SLC37A1: variants seen among roughly 807,000 people sequenced by gnomAD.
The protein encoded by SLC37A1 is glucose-6-phosphate exchanger SLC37A1.
SLC37A1 carries 49 observed loss-of-function variants against 75.3 expected under a neutral mutation model. That is an observed-to-expected ratio of 0.65 (90% CI 0.52 to 0.83). The LOEUF (loss-of-function observed/expected upper bound fraction) is 0.83. Among genes scored for constraint, SLC37A1 ranks in the 40% least tolerant of loss-of-function variants. The pLI is 0.00. For synonymous variants in SLC37A1, 268 were observed against 292.1 expected (o/e 0.92, Z 0.84); for missense variants, 566 against 695.0 (o/e 0.81, Z 2.09).
At chr21:42,505,106 G>A (rs1029434754) in intron 2 of SLC37A1, among the ~76,000 whole-genome samples, 20 of 152,142 alleles carry the variant, frequency 1.3e-4, no homozygotes, top group Non-Finnish European at 2.1e-4. Flanking sequence ...TAATCTATTT[G>A]CCACACTGAC....
chr21:42,549,970 G>T (rs1447142162), intron 9 of SLC37A1, among the ~76,000 whole-genome samples: 1 of 152,126 alleles, frequency 6.6e-6, no homozygotes, highest in African/African-American at 2.4e-5. Flanking sequence ...CTCTATCAAC[G>T]CCCCTTCTAA....
At chr21:42,573,443 C>T (rs1163587602) in intron 17 of SLC37A1, among the ~76,000 whole-genome samples, 1 of 152,146 alleles carries the variant, frequency 6.6e-6, no homozygotes, top group Non-Finnish European at 1.5e-5. Flanking sequence ...ACACTGGAGG[C>T]TGTGTTAGCT....
At chr21:42,525,136 C>T (rs1396852969) in intron 2 of SLC37A1, among the ~76,000 whole-genome samples, 1 of 152,232 alleles carries the variant, frequency 6.6e-6, no homozygotes, top group Non-Finnish European at 1.5e-5. Context: ...CACAGCAGCT[C>T]CGAGCTCCCT....
chr21:42,516,615 C>A (rs1280598425), intron 1 of SLC37A1, among the ~76,000 whole-genome samples: 1 of 152,182 alleles, frequency 6.6e-6, no homozygotes, highest in East Asian at 1.9e-4. Flanking sequence ...TTTTCTTTCA[C>A]CCATTTTACA....
chr21:42,566,362 T>C (rs997107845), intron 15 of SLC37A1, among the ~76,000 whole-genome samples: 5 of 152,234 alleles, frequency 3.3e-5, no homozygotes, highest in African/African-American at 1.2e-4. Context: ...CCCAGCCACC[T>C]CCTCCCAGCT....
chr21:42,560,044 C>T (rs955540252), intron 11 of SLC37A1, among the ~76,000 whole-genome samples: 5 of 152,010 alleles, frequency 3.3e-5, no homozygotes, highest in South Asian at 2.1e-4. Context: ...GGCTGGTCCT[C>T]GGTGGTGCTG....
At chr21:42,531,526 A>G (rs893991399) in intron 3 of SLC37A1, among the ~76,000 whole-genome samples, 3 of 152,224 alleles carry the variant, frequency 2.0e-5, no homozygotes, top group African/African-American at 7.2e-5. Context: ...GTTGAAAGGC[A>G]CTTGTGTAAA....
chr21:42,556,906 G>A lies in SLC37A1; in HGVS notation c.850-2052G>A, dbSNP rs548719416. Among the ~76,000 whole-genome samples the A allele has an allele frequency of 9.9e-5, 15 of 152,268 alleles. No homozygotes were observed. In the East Asian group the frequency reaches 1.9e-3, roughly 20 times the overall value. ...ATGAGTGGCTGTGAGCACAGGGCCCGTTCTCAGCAGAAACAGAGCCTTCTG... is the reference window on the plus strand; with the variant it reads ...ATGAGTGGCTGTGAGCACAGGGCCCATTCTCAGCAGAAACAGAGCCTTCTG... On this transcript the variant is annotated intron_variant, in intron 10 of 19. Coordinates refer to ENST00000352133, the MANE Select transcript of SLC37A1 (RefSeq NM_001320537.2).
At chr21:42,512,808 CAA>C (rs2054450646), upstream of SLC37A1, among the ~76,000 whole-genome samples, 1 of 152,182 alleles carries the variant, frequency 6.6e-6, no homozygotes, top group South Asian at 2.1e-4. Context: ...CCCAGCTCAG[CAA>C]AGAGAGACAC....
At chr21:42,516,354 G>A (rs950807916) in intron 1 of SLC37A1, among the ~76,000 whole-genome samples, 5 of 152,146 alleles carry the variant, frequency 3.3e-5, no homozygotes, top group Middle Eastern at 3.2e-3. Context: ...CAGGCGAGCC[G>A]CCTAGCCTCA....
chr21:42,530,792 A>G (rs769122763), intron 3 of SLC37A1, among the ~76,000 whole-genome samples: 2 of 151,952 alleles, frequency 1.3e-5, no homozygotes, highest in African/African-American at 2.4e-5. Flanking sequence ...CACCCTCCAG[A>G]CTGCCTGATA....
chr21:42,557,510 T>G (rs183256625), intron 10 of SLC37A1, among the ~76,000 whole-genome samples: 132 of 152,384 alleles, frequency 8.7e-4, no homozygotes, highest in African/African-American at 2.9e-3. Flanking sequence ...CACTCAGCCT[T>G]GTCATCTTCA....
intron 17 of SLC37A1, among the ~76,000 whole-genome samples, chr21:42,571,651 G>A (rs1251809099): frequency 6.6e-6 from 1 of 151,964 alleles, no homozygotes; most frequent in African/African-American, 2.4e-5. Flanking sequence ...TTACGGAAGA[G>A]GGGACCTGGC....
At chr21:42,556,905 C>T (rs7282895) in intron 10 of SLC37A1, among the ~76,000 whole-genome samples, 21,491 of 152,100 alleles carry the variant, frequency 0.14, 2,192 homozygotes, top group African/African-American at 0.28. Flanking sequence ...GCACAGGGCC[C>T]GTTCTCAGCA....
In SLC37A1 at chr21:42,514,417, G is replaced by A. The variant is rs1221411675; in HGVS notation, c.-479G>A. On this transcript the variant is annotated 5_prime_UTR_variant, in exon 1 of 20. Coordinates refer to ENST00000352133, the MANE Select transcript of SLC37A1 (RefSeq NM_001320537.2). The surrounding 1 kb of genome is among the most constrained non-coding windows in gnomAD (Gnocchi z 4.8). ...CAGAGAGCCGGCAGGAGGGGACCCT[G>A]CGCATTGTCTGCCGCGATGGGGACG... The A allele has an allele frequency of 1.3e-5, 2 of 152,218 alleles. No homozygotes were observed. Among genetic ancestry groups the A allele is most frequent in the East Asian group, 1.9e-4 (1 of 5,162 alleles). 9.4% of individuals were successfully genotyped at this position (152,218 alleles called of 1,614,324 possible).
intron 2 of SLC37A1, among the ~76,000 whole-genome samples, chr21:42,503,323 C>A (rs1341669391): frequency 1.4e-5 from 2 of 147,894 alleles, no homozygotes; most frequent in African/African-American, 2.5e-5. Flanking sequence ...GATCACAGCT[C>A]ACTGCAGCCT....
At chr21:42,517,935 C>T (rs1245119240) in intron 1 of SLC37A1, among the ~76,000 whole-genome samples, 3 of 152,228 alleles carry the variant, frequency 2.0e-5, no homozygotes, top group Non-Finnish European at 4.4e-5. Context: ...TATCTGGGCA[C>T]ATAGCGTGGC....
Position 42,574,922 on chromosome 21 carries a change from C to A in SLC37A1, c.1521+7C>A. The stretch of plus-strand genomic sequence containing the variant: ...AGATGCCTGTGCCTTACTGGTAAGT[C>A]GGCCTATTTTTAGTCCAATCCACCT... On this transcript the variant is annotated splice_region_variant and intron_variant, in intron 18 of 19. Transcript: ENST00000352133. 1 of 1,613,936 alleles carries A rather than the reference C, an allele frequency of 6.2e-7. No homozygotes were observed. Among genetic ancestry groups the A allele is most frequent in the South Asian group, 1.1e-5 (1 of 90,998 alleles).
chr21:42,571,221 C>T (rs1236021766), intron 17 of SLC37A1, among the ~76,000 whole-genome samples: 1 of 152,204 alleles, frequency 6.6e-6, no homozygotes, highest in East Asian at 1.9e-4. Flanking sequence ...GAGGTGCCCG[C>T]ATGCTTATTC....
Sources: allele counts gnomAD v4.1 joint callset (sites outside exome capture counted in the v4.1 genomes callset), GRCh38; gene constraint gnomAD v4.1.1; non-coding constraint Gnocchi (gnomAD v3.1); transcripts MANE v1.5; gene names NCBI Gene and HGNC (gene_info 2026-07-23, HGNC 2026-07-21).